Variants in RARB observed in about 807,000 individuals in gnomAD.
RARB encodes HBV-activated protein.
In RARB, 17 loss-of-function variants were observed where a neutral mutation model predicts 51.9. The observed-to-expected ratio is 0.33, with a 90% CI of 0.22 to 0.49. RARB has a LOEUF of 0.49. RARB is among the 20% of genes least tolerant of loss of function. RARB has a pLI of 0.99. For synonymous variants in RARB, 215 were observed against 195.4 expected, an observed-to-expected ratio of 1.10 and a Z score of -0.84; for missense variants, 369 against 550.8, an observed-to-expected ratio of 0.67 and a Z score of 3.30.
chr3:25,080,530 A>G (rs1352106688), intron 3 of RARB, among the ~76,000 whole-genome samples: 1 of 152,218 alleles, frequency 6.6e-6, no homozygotes, highest in Non-Finnish European at 1.5e-5. Flanking sequence ...TTGCATTCCC[A>G]TAAGAAAAAT....
At chr3:25,562,672 C>T (rs1459234804) in intron 3 of RARB, among the ~76,000 whole-genome samples, 5 of 152,122 alleles carry the variant, frequency 3.3e-5, no homozygotes, top group Non-Finnish European at 7.4e-5. Flanking sequence ...TTTCTTATAG[C>T]TCATATGTCC....
At chr3:25,053,315 A>C (rs898327365) in intron 2 of RARB, among the ~76,000 whole-genome samples, 1 of 152,138 alleles carries the variant, frequency 6.6e-6, no homozygotes, top group Non-Finnish European at 1.5e-5. Context: ...TGTATCATAC[A>C]TGGTCACCTA....
At chr3:25,125,442 T>C (rs1432051573) in intron 3 of RARB, among the ~76,000 whole-genome samples, 1 of 152,128 alleles carries the variant, frequency 6.6e-6, no homozygotes, top group Non-Finnish European at 1.5e-5. Context: ...CACACAAAAT[T>C]GCAGCGTGTC....
chr3:25,249,290 TATG>T (rs1462692013), intron 5 of RARB, among the ~76,000 whole-genome samples: 2 of 152,152 alleles, frequency 1.3e-5, no homozygotes, highest in Non-Finnish European at 2.9e-5. Context: ...GGTTCTTTAT[TATG>T]ATATCTGTCT....
intron 2 of RARB, among the ~76,000 whole-genome samples, chr3:25,033,251 C>T (rs1697911506): frequency 6.6e-6 from 1 of 152,182 alleles, no homozygotes; most frequent in Non-Finnish European, 1.5e-5. Context: ...CCACCAGAAA[C>T]TTACAAGCAA....
At chr3:25,237,260 G>C (rs1167803592) in intron 5 of RARB, among the ~76,000 whole-genome samples, 2 of 152,044 alleles carry the variant, frequency 1.3e-5, no homozygotes, top group Admixed American at 1.3e-4. Flanking sequence ...ATTAAAAGTT[G>C]GTGGCATTTA....
chr3:25,039,527 T>C (rs1698070713), intron 2 of RARB, among the ~76,000 whole-genome samples: 1 of 152,206 alleles, frequency 6.6e-6, no homozygotes, highest in African/African-American at 2.4e-5. Flanking sequence ...GAGATAGGTA[T>C]GATCCTAGAG....
chr3:25,548,703 G>A (rs912227142), intron 3 of RARB, among the ~76,000 whole-genome samples: 1 of 147,710 alleles, frequency 6.8e-6, no homozygotes, highest in Admixed American at 6.8e-5. Context: ...TTTTTAATAT[G>A]TGTTATCAGT....
intron 2 of RARB, among the ~76,000 whole-genome samples, chr3:24,980,096 C>A (rs1442367362): frequency 6.6e-6 from 1 of 152,052 alleles, no homozygotes; most frequent in African/African-American, 2.4e-5. Context: ...GAATATTGGC[C>A]CCCACTCTCG....
chr3:24,894,747 T>A (rs1329698393), intron 2 of RARB, among the ~76,000 whole-genome samples: 1 of 152,198 alleles, frequency 6.6e-6, no homozygotes, highest in Admixed American at 6.5e-5. Context: ...ACTTAGCATA[T>A]TGCTGGAGTA....
chr3:24,908,388 C>T (rs1694912708), intron 2 of RARB, among the ~76,000 whole-genome samples: 1 of 152,078 alleles, frequency 6.6e-6, no homozygotes, highest in Non-Finnish European at 1.5e-5. Flanking sequence ...TTACAGTCAC[C>T]ATATGCTATG....
At chr3:25,292,150 G>C (rs1357188904) in intron 5 of RARB, among the ~76,000 whole-genome samples, 1 of 151,926 alleles carries the variant, frequency 6.6e-6, no homozygotes, top group African/African-American at 2.4e-5. Context: ...GAGCAGAGTT[G>C]GCTCTCTTGT....
chr3:24,837,521 T>G (rs1056686522), intron 1 of RARB, among the ~76,000 whole-genome samples: 2 of 152,236 alleles, frequency 1.3e-5, no homozygotes, highest in Admixed American at 6.5e-5. Flanking sequence ...AGTAGATAGC[T>G]TTTTGCTTGC....
chr3:24,932,428 T>A lies in RARB; in HGVS notation c.-380+73676T>A, dbSNP rs564551910. Among the ~76,000 whole-genome samples, 7 of 152,058 alleles carry A rather than the reference T, an allele frequency of 4.6e-5. No homozygotes were observed. The South Asian group carries it at 1.5e-3, about 32-fold the overall frequency. On this transcript the variant is annotated intron_variant, in intron 2 of 11. Coordinates refer to the RARB transcript ENST00000383772. ...TGTGTAGGGACATCTACTACTAGAG[T>A]CGTTTACATTGCTAATACTTTTTAA...
chr3:24,862,641 G>A (rs778636525), intron 2 of RARB, among the ~76,000 whole-genome samples: 1 of 152,022 alleles, frequency 6.6e-6, no homozygotes, highest in African/African-American at 2.4e-5. Context: ...TTCAATTATA[G>A]GTTACAAAAA....
chr3:25,018,736 A>G (rs1697566878), intron 2 of RARB, among the ~76,000 whole-genome samples: 1 of 152,192 alleles, frequency 6.6e-6, no homozygotes, highest in Non-Finnish European at 1.5e-5. Context: ...CACCTGGGCA[A>G]CTATCCTTCT....
At chr3:25,417,231 A>G (rs1172586938) in intron 5 of RARB, among the ~76,000 whole-genome samples, 1 of 151,832 alleles carries the variant, frequency 6.6e-6, no homozygotes, top group Non-Finnish European at 1.5e-5. Flanking sequence ...CTGTCTCTGA[A>G]TCTGAAGTGT....
At chr3:25,113,399 C>G (rs1004229509) in intron 3 of RARB, among the ~76,000 whole-genome samples, 1 of 152,118 alleles carries the variant, frequency 6.6e-6, no homozygotes. Flanking sequence ...TTTTGACAAT[C>G]CTAAAACCAA....
intron 5 of RARB, among the ~76,000 whole-genome samples, chr3:25,340,798 G>A (rs2125450614): frequency 6.6e-6 from 1 of 152,296 alleles, no homozygotes; most frequent in African/African-American, 2.4e-5. Flanking sequence ...CTTTGGAGAA[G>A]CCATTGACAG....
Sources: allele counts gnomAD v4.1 joint callset (sites outside exome capture counted in the v4.1 genomes callset), GRCh38; gene constraint gnomAD v4.1.1; transcripts MANE v1.5; gene names NCBI Gene and HGNC (gene_info 2026-07-23, HGNC 2026-07-21).